Variants in MAP7 observed in about 807,000 individuals in gnomAD.
MAP7 encodes the protein microtubule associated protein 7, also known as ensconsin.
Under a neutral mutation model 94.8 loss-of-function variants are expected in MAP7, and 52 were observed. That is an observed-to-expected ratio of 0.55 (90% CI 0.44 to 0.69). The LOEUF (loss-of-function observed/expected upper bound fraction) is 0.69. MAP7 is among the 30% of genes least tolerant of loss of function. MAP7 has a pLI of 0.00. For synonymous variants in MAP7, 350 were observed against 357.0 expected, an observed-to-expected ratio of 0.98 and a Z score of 0.22; for missense variants, 940 against 964.6, an observed-to-expected ratio of 0.97 and a Z score of 0.34.
intron 1 of MAP7, among the ~76,000 whole-genome samples, chr6:136,447,937 A>G (rs1799845776): frequency 2.0e-5 from 3 of 152,226 alleles, no homozygotes; most frequent in Admixed American, 6.5e-5. Context: ...CACGCCTGTA[A>G]TCCCAGCACT....
At chr6:136,379,133 T>C (rs1777035452) in intron 6 of MAP7, among the ~76,000 whole-genome samples, 1 of 152,236 alleles carries the variant, frequency 6.6e-6, no homozygotes, top group Non-Finnish European at 1.5e-5. Context: ...TATATAACTA[T>C]CTTAAATATA....
chr6:136,435,631 G>A (rs1796184942), intron 1 of MAP7, among the ~76,000 whole-genome samples: 1 of 152,136 alleles, frequency 6.6e-6, no homozygotes. Context: ...TTACAGAAGT[G>A]GAAAACCTTA....
intron 1 of MAP7, among the ~76,000 whole-genome samples, chr6:136,537,889 C>T (rs1170794888): frequency 6.6e-6 from 1 of 151,570 alleles, no homozygotes; most frequent in Non-Finnish European, 1.5e-5. Context: ...TCAAGCGATT[C>T]TCCTGCCTCA....
chr6:136,485,234 T>C (rs1814250956), intron 1 of MAP7, among the ~76,000 whole-genome samples: 3 of 152,230 alleles, frequency 2.0e-5, no homozygotes, highest in African/African-American at 7.2e-5. Context: ...CTAAACTTAC[T>C]TGACTGAGGA....
At chr6:136,350,385 A>C (rs750895709) in intron 16 of MAP7, among the ~76,000 whole-genome samples, 55 of 152,342 alleles carry the variant, frequency 3.6e-4, no homozygotes, top group Non-Finnish European at 7.1e-4. Context: ...TAAGCATTTT[A>C]AGGTTGATTT....
chr6:136,433,037 G>A (rs142199157), intron 1 of MAP7, among the ~76,000 whole-genome samples: 443 of 152,126 alleles, frequency 2.9e-3, no homozygotes, highest in African/African-American at 8.9e-3. Context: ...ACTGTGGCTG[G>A]CTTTAAGAAA....
intron 1 of MAP7, among the ~76,000 whole-genome samples, chr6:136,496,846 C>T (rs574718131): frequency 1.3e-5 from 2 of 149,254 alleles, no homozygotes; most frequent in South Asian, 2.1e-4. Flanking sequence ...TCCAGCTACT[C>T]GGGAGGCTGA....
chr6:136,367,518 C>T (rs753149109), intron 8 of MAP7, among the ~76,000 whole-genome samples: 22 of 152,176 alleles, frequency 1.4e-4, no homozygotes, highest in Non-Finnish European at 2.4e-4. Flanking sequence ...CTTTTAATTG[C>T]TTCCCTCCAT....
intron 1 of MAP7, among the ~76,000 whole-genome samples, chr6:136,540,307 C>T (rs1829199991): frequency 6.6e-6 from 1 of 152,040 alleles, no homozygotes; most frequent in South Asian, 2.1e-4. Flanking sequence ...TCAGGGGTCA[C>T]TAGAAAGATC....
intron 3 of MAP7, among the ~76,000 whole-genome samples, chr6:136,395,667 T>C (rs1291551225): frequency 6.6e-6 from 1 of 152,170 alleles, no homozygotes; most frequent in Non-Finnish European, 1.5e-5. Context: ...CAATGCTTTC[T>C]TCTAGTAGTT....
In MAP7 at chr6:136,535,961, T is replaced by C. The variant is rs140572524; in HGVS notation, c.67+14381A>G. Among the ~76,000 whole-genome samples the C allele has an allele frequency of 9.3e-3, 1,402 of 151,186 alleles. 51 individuals carry two copies. Among genetic ancestry groups the C allele is most frequent in the East Asian group, 0.085 (430 of 5,062 alleles). ...CCTTCCCGTGTCCAAGTGTTCTCAC[T>C]GTTCAGTTCCCACCTGTGAGTGAGA... is the stretch of plus-strand genomic sequence containing the variant. On this transcript the variant is annotated intron_variant, in intron 1 of 17. Coordinates refer to ENST00000354570, the MANE Select transcript of MAP7 (RefSeq NM_003980.6).
chr6:136,448,404 T>G (rs765952531), intron 1 of MAP7, among the ~76,000 whole-genome samples: 14 of 151,926 alleles, frequency 9.2e-5, no homozygotes, highest in Non-Finnish European at 1.5e-4. Context: ...AGGCTATGGT[T>G]AATGACTACG....
At chr6:136,522,701 T>A (rs1304407770) in intron 1 of MAP7, among the ~76,000 whole-genome samples, 3 of 152,212 alleles carry the variant, frequency 2.0e-5, no homozygotes, top group Non-Finnish European at 2.9e-5. Flanking sequence ...AAACTGTATG[T>A]CATCTTGCTA....
intron 6 of MAP7, among the ~76,000 whole-genome samples, chr6:136,381,418 G>A (rs1259913148): frequency 1.3e-5 from 2 of 152,058 alleles, no homozygotes; most frequent in East Asian, 1.9e-4. Flanking sequence ...GGGCTCAAAT[G>A]ATTCACCCAC....
chr6:136,358,249 A>G (rs1791545885), intron 15 of MAP7, among the ~76,000 whole-genome samples: 1 of 152,220 alleles, frequency 6.6e-6, no homozygotes, highest in African/African-American at 2.4e-5. Context: ...AGGAAGGGGG[A>G]AAATGCAAAC....
chr6:136,353,867 G>A (rs908615167), intron 16 of MAP7, among the ~76,000 whole-genome samples: 1 of 152,062 alleles, frequency 6.6e-6, no homozygotes, highest in Admixed American at 6.6e-5. Context: ...TTTAGTATTT[G>A]AGGGGCAAAA....
chr6:136,393,734 C>G (rs894714599), intron 3 of MAP7, among the ~76,000 whole-genome samples: 1 of 151,776 alleles, frequency 6.6e-6, no homozygotes, highest in Non-Finnish European at 1.5e-5. Context: ...CTCCTGAACT[C>G]AAGCAATCCT....
At position 136,344,866 on chromosome 6, in the gene MAP7, C is replaced by T. The variant is rs117678258; in HGVS notation, c.2240-628G>A. 2.6e-4 allele frequency among the ~76,000 whole-genome samples: 40 copies of T among 152,192 alleles called. No individual in the cohort carries two copies. In the East Asian group the frequency reaches 7.5e-3, roughly 29 times the overall value. On this transcript the variant is annotated intron_variant, in intron 17 of 17. Coordinates refer to ENST00000354570, the MANE Select transcript of MAP7 (RefSeq NM_003980.6). ...GGGTGGCTCACATTGGTTATCACAC[C>T]GAATTAAAAGTTGATTTATTACAGA... is the stretch of plus-strand genomic sequence containing the variant.
chr6:136,387,283 C>G (rs187698369), intron 5 of MAP7, among the ~76,000 whole-genome samples: 15 of 152,068 alleles, frequency 9.9e-5, no homozygotes, highest in African/African-American at 3.4e-4. Context: ...GTACTTTGAT[C>G]CCAGGTAATT....
Sources: allele counts gnomAD v4.1 joint callset (sites outside exome capture counted in the v4.1 genomes callset), GRCh38; gene constraint gnomAD v4.1.1; transcripts MANE v1.5; gene names NCBI Gene and HGNC (gene_info 2026-07-23, HGNC 2026-07-21).